The following THSD4 variants were observed in gnomAD, a reference collection of about 807,000 sequenced individuals.
THSD4 encodes the protein thrombospondin type-1 domain-containing protein 4.
In THSD4, 69 loss-of-function variants were observed where a neutral mutation model predicts 119.0. That is an observed-to-expected ratio of 0.58 (90% CI 0.48 to 0.71). THSD4 has a LOEUF of 0.71. Ranked by LOEUF, THSD4 falls within the 30% of genes least tolerant of loss-of-function variation. THSD4 has a pLI of 0.00. For missense variants in THSD4, 1,393 were observed against 1,391.1 expected (o/e 1.00, Z -0.02); for synonymous variants, 524 against 540.4 (o/e 0.97, Z 0.42).
Position 71,538,208 on chromosome 15 carries a change from G to A in THSD4, c.1153-122322G>A, listed in dbSNP as rs372057649. Among the ~76,000 whole-genome samples the A allele has an allele frequency of 1.8e-3, 274 of 152,166 alleles. 18 individuals are homozygous for A. The South Asian group carries it at 0.055, about 30-fold the overall frequency. On this transcript the variant is annotated intron_variant, in intron 7 of 17. Coordinates refer to ENST00000261862, the MANE Select transcript of THSD4 (RefSeq NM_024817.3). ...CCCACATTAAGAATATAGAAATATA[G>A]ACACATTTCCTTTTACAGTTTTCAT...
intron 4 of THSD4, among the ~76,000 whole-genome samples, chr15:71,222,858 A>T (rs558464513): frequency 1.3e-5 from 2 of 152,322 alleles, no homozygotes; most frequent in South Asian, 2.1e-4. Flanking sequence ...GAAAGGCTGT[A>T]AACTACAGGA....
intron 7 of THSD4, among the ~76,000 whole-genome samples, chr15:71,581,675 T>G (rs1232135771): frequency 2.6e-5 from 4 of 152,218 alleles, no homozygotes; most frequent in Admixed American, 2.6e-4. Context: ...ATTCAGTCTT[T>G]AATCCATTTG....
intron 7 of THSD4, among the ~76,000 whole-genome samples, chr15:71,595,436 C>T (rs1235353893): frequency 6.6e-6 from 1 of 152,164 alleles, no homozygotes; most frequent in Non-Finnish European, 1.5e-5. Context: ...GCTTTTGCTT[C>T]TTCCTCATTT....
chr15:71,183,726 A>ATTGTCATGGGTACTG lies in THSD4; in HGVS notation c.99+28795_99+28796insTGTCATGGGTACTGT, dbSNP rs1269659913. On this transcript the variant is annotated intron_variant, in intron 3 of 17. Coordinates refer to ENST00000261862, the MANE Select transcript of THSD4 (RefSeq NM_024817.3). The stretch of plus-strand genomic sequence containing the variant: ...TTTCTTCTCAAGGTACTTTCCTTCT[A>ATTGTCATGGGTACTG]TCTACCCAGGCCTGATTTATCCACA... Among the ~76,000 whole-genome samples, 10 of 151,684 alleles carry ATTGTCATGGGTACTG rather than the reference A, an allele frequency of 6.6e-5. No individual in the cohort carries two copies. The East Asian group carries it at 1.7e-3, about 26-fold the overall frequency.
At chr15:71,585,173 T>A (rs1261223842) in intron 7 of THSD4, among the ~76,000 whole-genome samples, 1 of 152,264 alleles carries the variant, frequency 6.6e-6, no homozygotes, top group African/African-American at 2.4e-5. Flanking sequence ...TTACCATTGT[T>A]AGTGAGTTTT....
Position 71,587,906 on chromosome 15 carries a change from C to G in THSD4, c.1153-72624C>G, listed in dbSNP as rs2049712981. 2.0e-5 allele frequency among the ~76,000 whole-genome samples: 3 copies of G among 151,792 alleles called. No individual in the cohort carries two copies. In the South Asian group the frequency reaches 6.3e-4, roughly 32 times the overall value. On this transcript the variant is annotated intron_variant, in intron 7 of 17. Coordinates refer to ENST00000261862, the MANE Select transcript of THSD4 (RefSeq NM_024817.3). ...AAAACATTAACTTGAGGTAACACAC[C>G]CAGTGGCTTGGAAGCTGGGACTTTT...
intron 3 of THSD4, among the ~76,000 whole-genome samples, chr15:71,196,103 A>G (rs1411715013): frequency 6.6e-6 from 1 of 152,204 alleles, no homozygotes; most frequent in African/African-American, 2.4e-5. Flanking sequence ...GCAGAAGGGC[A>G]AAAGGGCCGA....
intron 6 of THSD4, among the ~76,000 whole-genome samples, chr15:71,312,440 A>T (rs1436537025): frequency 6.6e-6 from 1 of 152,100 alleles, no homozygotes; most frequent in African/African-American, 2.4e-5. Context: ...GGAGATTAGG[A>T]CATACAGAGA....
intron 7 of THSD4, among the ~76,000 whole-genome samples, chr15:71,633,211 G>A (rs1242401471): frequency 1.3e-5 from 2 of 151,786 alleles, no homozygotes; most frequent in Non-Finnish European, 2.9e-5. Flanking sequence ...CTAACTGGGG[G>A]AATATAGTGC....
intron 8 of THSD4, among the ~76,000 whole-genome samples, chr15:71,700,355 A>G (rs28701157): frequency 0.013 from 2,017 of 152,280 alleles, 38 homozygotes; most frequent in African/African-American, 0.046. Context: ...AAAATATTAA[A>G]TATTTAAAAT....
intron 8 of THSD4, among the ~76,000 whole-genome samples, chr15:71,709,681 C>A (rs1210106496): frequency 6.6e-6 from 1 of 152,138 alleles, no homozygotes; most frequent in East Asian, 1.9e-4. Flanking sequence ...TCCCAGCTTT[C>A]CAGGGAAGAG....
intron 7 of THSD4, among the ~76,000 whole-genome samples, chr15:71,585,040 A>G (rs1448641225): frequency 6.6e-6 from 1 of 152,184 alleles, no homozygotes; most frequent in Admixed American, 6.5e-5. Context: ...TTGTATCTCT[A>G]TTAACAAATT....
At chr15:71,428,001 G>T (rs1274136505) in intron 7 of THSD4, among the ~76,000 whole-genome samples, 1 of 152,144 alleles carries the variant, frequency 6.6e-6, no homozygotes, top group East Asian at 1.9e-4. Context: ...AGAATAGGTA[G>T]CATTCCCCCA....
At chr15:71,333,648 A>G (rs904982845) in intron 6 of THSD4, among the ~76,000 whole-genome samples, 3 of 152,174 alleles carry the variant, frequency 2.0e-5, no homozygotes, top group African/African-American at 4.8e-5. Context: ...TTTTCCAAAA[A>G]TCGGCCAGAC....
At chr15:71,571,685 C>T (rs2140900557) in intron 7 of THSD4, among the ~76,000 whole-genome samples, 1 of 152,254 alleles carries the variant, frequency 6.6e-6, no homozygotes, top group South Asian at 2.1e-4. Context: ...AGATGGAAAC[C>T]CTTCCTTCAA....
intron 6 of THSD4, among the ~76,000 whole-genome samples, chr15:71,346,223 A>G (rs983631619): frequency 1.3e-5 from 2 of 152,210 alleles, no homozygotes; most frequent in Non-Finnish European, 2.9e-5. Context: ...ATTAGGTAGC[A>G]TGGCCCTCAG....
At chr15:71,314,410 G>A (rs1168016414) in intron 6 of THSD4, among the ~76,000 whole-genome samples, 2 of 152,036 alleles carry the variant, frequency 1.3e-5, no homozygotes, top group African/African-American at 2.4e-5. Context: ...GGGTCCAAGC[G>A]ATTCTCCTGC....
rs2141040965 is a variant in THSD4 at position 71,686,411 on chromosome 15, C to A, written c.1357+25677C>A. On this transcript the variant is annotated intron_variant, in intron 8 of 17. Coordinates refer to ENST00000261862, the MANE Select transcript of THSD4 (RefSeq NM_024817.3). ...TCTCTCTCTGTCTACTGAATCAGGG[C>A]TATACAGTTTATACCAGACAAAAAA... Among the ~76,000 whole-genome samples the A allele has an allele frequency of 1.3e-5, 2 of 152,252 alleles. 1 individual carries two copies.
chr15:71,704,385 C>T (rs2052355331), intron 8 of THSD4, among the ~76,000 whole-genome samples: 1 of 152,126 alleles, frequency 6.6e-6, no homozygotes, highest in Non-Finnish European at 1.5e-5. Context: ...ACAGGTCTTC[C>T]CTTGCTGTTG....
Sources: gnomAD v4.1 joint callset for allele counts (sites outside exome capture counted in the v4.1 genomes callset) on GRCh38, gnomAD v4.1.1 for gene constraint, MANE v1.5 for transcripts, NCBI Gene and HGNC (gene_info 2026-07-23, HGNC 2026-07-21) for gene names.